Variants in POMK observed in about 807,000 individuals in gnomAD.
POMK encodes Sugen kinase 196.
A neutral mutation model predicts 23.0 loss-of-function variants in POMK; 19 were observed. The ratio of observed to expected loss-of-function variants is 0.83; its 90% CI spans 0.58 to 1.21. POMK has a LOEUF of 1.21. POMK is among the 50% of genes most tolerant of loss of function. POMK has a pLI of 0.00. For missense variants in POMK, 410 were observed against 431.3 expected (o/e 0.95, Z 0.44); for synonymous variants, 173 against 171.6 (o/e 1.01, Z -0.06).
chr8:43,110,494 T>C (rs1459005523), intron 4 of POMK, among the ~76,000 whole-genome samples: 2 of 152,274 alleles, frequency 1.3e-5, no homozygotes, highest in African/African-American at 4.8e-5. Context: ...TGCCTTTTCA[T>C]GAATACGTTC....
chr8:43,122,530 C>T lies in POMK; in HGVS notation c.706C>T (p.His236Tyr). ...NDLDALPLVN[H>Y]SSGMLVKCGH... The stretch of plus-strand genomic sequence containing the variant: ...CTTGGACGCCTTACCCCTGGTGAAC[C>T]ACAGCTCCGGGATGCTGGTGAAGTG... Residue 236 changes from histidine (H) to tyrosine (Y), a missense_variant, in exon 5 of 5, where the codon CAC becomes TAC. Physicochemically the swap from His to Tyr is moderately conservative, Grantham distance 83. Transcript: ENST00000331373. 2 of 1,614,174 alleles carry T rather than the reference C, an allele frequency of 1.2e-6. No homozygotes were observed. The highest frequency in any genetic ancestry group is 1.1e-5 in the South Asian group (1 of 91,076).
intron 2 of POMK, among the ~76,000 whole-genome samples, chr8:43,098,282 C>G (rs562951349): frequency 1.3e-5 from 2 of 152,276 alleles, no homozygotes; most frequent in African/African-American, 4.8e-5. Context: ...TATTCCACCC[C>G]CTGCCTCCCC....
At chr8:43,099,541 C>T (rs895018989) in intron 2 of POMK, among the ~76,000 whole-genome samples, 2 of 152,126 alleles carry the variant, frequency 1.3e-5, no homozygotes, top group African/African-American at 4.8e-5. Flanking sequence ...TTATATAAGG[C>T]GTTTAAGGAG....
Position 43,121,619 on chromosome 8 carries a change from C to T in POMK, c.283-488C>T, listed in dbSNP as rs1485219327. Among the ~76,000 whole-genome samples, 3 of 152,222 alleles carry T rather than the reference C, an allele frequency of 2.0e-5. 1 individual carries two copies. The highest frequency in any genetic ancestry group is 2.9e-5 in the Non-Finnish European group (2 of 68,036). ...CGCCCTCATGTAGGCTTTTCGGGGT[C>T]TCCACACTTACCCACTTTTCCAGTC... On this transcript the variant is annotated intron_variant, in intron 4 of 4. Transcript: ENST00000331373.
intron 4 of POMK, among the ~76,000 whole-genome samples, chr8:43,110,145 T>G (rs967271033): frequency 6.6e-6 from 1 of 152,224 alleles, no homozygotes; most frequent in Non-Finnish European, 1.5e-5. Context: ...TCTCATAATC[T>G]TTTACCAAAA....
chr8:43,121,758 T>C (rs571718220), intron 4 of POMK, among the ~76,000 whole-genome samples: 11 of 152,270 alleles, frequency 7.2e-5, no homozygotes, highest in African/African-American at 7.2e-5. Flanking sequence ...CCTCCTGAGC[T>C]AGCACTCCCC....
At chr8:43,100,301 A>AGTG (rs2130596802) in intron 2 of POMK, among the ~76,000 whole-genome samples, 1 of 152,082 alleles carries the variant, frequency 6.6e-6, no homozygotes, top group East Asian at 1.9e-4. Flanking sequence ...TGCTTAGGGA[A>AGTG]GTGGGCAGCA....
At position 43,097,617 on chromosome 8, in the gene POMK, TGA is replaced by T. The variant is rs1194729963; in HGVS notation, c.-118+6_-118+7del. On this transcript the variant is annotated splice_donor_region_variant and intron_variant, in intron 2 of 4. Transcript: ENST00000331373. Reference sequence around the variant, plus strand: ...TGGGAATCTATTGTGGAAACCCAGGTGAGAGGTGCTGCTGGCTCACGCAGCGG... The same window carrying T: ...TGGGAATCTATTGTGGAAACCCAGGTGAGGTGCTGCTGGCTCACGCAGCGG... 1 of 151,550 alleles carries T rather than the reference TGA, an allele frequency of 6.6e-6. No individual in the cohort carries two copies. The highest frequency in any genetic ancestry group is 2.4e-5 in the African/African-American group (1 of 41,144). The allele number at this position is 151,550 out of a possible 1,614,324, so 9.4% of individuals were successfully genotyped here.
chr8:43,118,663 A>T (rs1328787335), intron 4 of POMK, among the ~76,000 whole-genome samples: 1 of 152,244 alleles, frequency 6.6e-6, no homozygotes, highest in Non-Finnish European at 1.5e-5. Context: ...GGAGGATTCA[A>T]ATATTTGTGT....
intron 3 of POMK, 109 bp from the exon 4 acceptor site, chr8:43,103,419 G>A (rs538028119): frequency 1.2e-5 from 12 of 1,001,660 alleles, no homozygotes; most frequent in Middle Eastern, 3.3e-4. Flanking sequence ...CCACGGTAAC[G>A]CTGCAGCTTA....
chr8:43,105,999 G>T (rs1446475282), intron 4 of POMK, among the ~76,000 whole-genome samples: 2 of 152,116 alleles, frequency 1.3e-5, no homozygotes, highest in Non-Finnish European at 2.9e-5. Flanking sequence ...CTTTCCTTTG[G>T]ATATATACCC....
chr8:43,096,385 G>A (rs187346591), intron 1 of POMK, among the ~76,000 whole-genome samples: 2 of 151,026 alleles, frequency 1.3e-5, no homozygotes, highest in South Asian at 2.1e-4. Flanking sequence ...TGCATGGGCC[G>A]GACATGGTGG....
intron 4 of POMK, among the ~76,000 whole-genome samples, chr8:43,104,109 A>G (rs1369983351): frequency 1.3e-5 from 2 of 151,758 alleles, no homozygotes; most frequent in Non-Finnish European, 2.9e-5. Flanking sequence ...GTTGAGCTCA[A>G]TAATCTTACA....
intron 3 of POMK, among the ~76,000 whole-genome samples, chr8:43,102,944 TCATAAC>T (rs1811474077): frequency 2.0e-5 from 3 of 152,314 alleles, no homozygotes; most frequent in African/African-American, 7.2e-5. Flanking sequence ...CTGTCCGTGG[TCATAAC>T]CAGGGCTTCT....
At chr8:43,096,963 A>G (rs1270078423) in intron 1 of POMK, among the ~76,000 whole-genome samples, 6 of 152,208 alleles carry the variant, frequency 3.9e-5, no homozygotes, top group African/African-American at 7.2e-5. Context: ...ATAAGCATGT[A>G]TGAGAAGCGG....
intron 2 of POMK, among the ~76,000 whole-genome samples, chr8:43,101,894 G>A (rs1469842961): frequency 6.6e-6 from 1 of 152,122 alleles, no homozygotes; most frequent in Non-Finnish European, 1.5e-5. Flanking sequence ...TTTCATTGAC[G>A]TCTTGTCCCA....
chr8:43,122,936 A>C lies in POMK; in HGVS notation c.*59A>C. 2.1e-6 allele frequency: 3 copies of C among 1,448,892 alleles called. No individual in the cohort carries two copies. The Admixed American group carries it at 6.6e-5, about 32-fold the overall frequency. The allele number at this position is 1,448,892 out of a possible 1,614,324, so 89.8% of individuals were successfully genotyped here. A position where few individuals can be genotyped will look rare whatever the true frequency, so the allele number is the denominator to read the frequency against. On this transcript the variant is annotated 3_prime_UTR_variant, in exon 5 of 5. Coordinates refer to ENST00000331373, the MANE Select transcript of POMK (RefSeq NM_032237.5). ...GGCTGAATGGAAGTTACAGCATTCT[A>C]CTCTGATGGTGGAGTTTTTTGCCTG...
chr8:43,096,745 A>T (rs569278568), intron 1 of POMK, among the ~76,000 whole-genome samples: 1 of 152,318 alleles, frequency 6.6e-6, no homozygotes, highest in African/African-American at 2.4e-5. Flanking sequence ...GCCTGGGGAG[A>T]TGTATACACA....
chr8:43,098,959 A>AT (rs1329469908), intron 2 of POMK, among the ~76,000 whole-genome samples: 17 of 151,948 alleles, frequency 1.1e-4, no homozygotes, highest in African/African-American at 4.1e-4. Context: ...TTATTTGTTT[A>AT]TTTTTTTGAG....
Sources: allele counts gnomAD v4.1 joint callset (sites outside exome capture counted in the v4.1 genomes callset), GRCh38; gene constraint gnomAD v4.1.1; transcripts MANE v1.5; gene names NCBI Gene and HGNC (gene_info 2026-07-23, HGNC 2026-07-21).